Variants in PALM2AKAP2 observed in about 807,000 individuals in gnomAD.
PALM2AKAP2 encodes the protein PALM2-AKAP2 fusion protein.
PALM2AKAP2 carries 37 observed loss-of-function variants against 71.5 expected under a neutral mutation model. The observed-to-expected ratio is 0.52, with a 90% CI of 0.40 to 0.68. PALM2AKAP2 has a LOEUF of 0.68. PALM2AKAP2 is among the 30% of genes least tolerant of loss of function. PALM2AKAP2 has a pLI of 0.00. For synonymous variants in PALM2AKAP2, 468 were observed against 478.8 expected (o/e 0.98, Z 0.29); for missense variants, 1,224 against 1,191.8 (o/e 1.03, Z -0.40).
At chr9:109,786,926 T>A (rs1826985932) in intron 1 of PALM2AKAP2, among the ~76,000 whole-genome samples, 1 of 152,228 alleles carries the variant, frequency 6.6e-6, no homozygotes, top group Non-Finnish European at 1.5e-5. Context: ...CTCAATGCTT[T>A]GGGGTCACTG....
exon 2 of PALM2AKAP2, chr9:110,136,277 C>G (rs1484854868): frequency 3.7e-6 from 6 of 1,613,990 alleles, no homozygotes; most frequent in Non-Finnish European, 5.1e-6. Flanking sequence ...TAAAAGTGTT[C>G]CTGGAATCAC....
Position 110,011,012 on chromosome 9 carries a change from A to ATATATAT in PALM2AKAP2, c.497-4942_497-4941insTATATAT, listed in dbSNP as rs59242587. Among the ~76,000 whole-genome samples, 291 of 90,260 alleles carry ATATATAT rather than the reference A, an allele frequency of 3.2e-3. 1 individual carries two copies. Among genetic ancestry groups the ATATATAT allele is most frequent in the African/African-American group, 0.012 (193 of 16,054 alleles). The allele number at this position is 90,260 out of a possible 152,430, so 59.2% of individuals were successfully genotyped here. On this transcript the variant is annotated intron_variant, in intron 6 of 9. Transcript: ENST00000302798. ...ACTCTGTCTCAAAAAAAAAAAAAAA[A>ATATATAT]AAATATATATATATATATATATATA...
chr9:109,867,601 A>C (rs1159391762), intron 2 of PALM2AKAP2, 30 bp downstream of exon 2: 7 of 1,602,708 alleles, frequency 4.4e-6, no homozygotes, highest in Non-Finnish European at 5.9e-6. Context: ...AACCTATTCC[A>C]TTATTAGACA....
intron 3 of PALM2AKAP2, among the ~76,000 whole-genome samples, chr9:109,918,168 C>T (rs1454806352): frequency 2.0e-5 from 3 of 152,200 alleles, no homozygotes; most frequent in African/African-American, 7.2e-5. Flanking sequence ...TGATTTATTT[C>T]TCCATCCCCA....
At chr9:110,096,372 T>C (rs979402448) in intron 1 of PALM2AKAP2, among the ~76,000 whole-genome samples, 1 of 151,750 alleles carries the variant, frequency 6.6e-6, no homozygotes, top group Non-Finnish European at 1.5e-5. Context: ...CAAGCGATCC[T>C]TCCATCTCAG....
chr9:110,017,279 A>G lies in PALM2AKAP2; in HGVS notation c.582+1240A>G, dbSNP rs147818276. Among the ~76,000 whole-genome samples, 22 of 152,374 alleles carry G rather than the reference A, an allele frequency of 1.4e-4. No individual in the cohort carries two copies. In the East Asian group the frequency reaches 3.7e-3, roughly 25 times the overall value. ...TGTGAAGGCTAAACTTGTGTTGTCT[A>G]TGTTACAAATGGTAGAGAAAGCAAG... On this transcript the variant is annotated intron_variant, in intron 7 of 9. Transcript: ENST00000302798.
At chr9:109,748,290 G>A (rs549167107) in intron 1 of PALM2AKAP2, among the ~76,000 whole-genome samples, 1 of 152,208 alleles carries the variant, frequency 6.6e-6, no homozygotes, top group South Asian at 2.1e-4. Flanking sequence ...GGTGAATTGG[G>A]CTGCCCTTCT....
At chr9:110,099,502 A>T (rs1834940363) in intron 1 of PALM2AKAP2, among the ~76,000 whole-genome samples, 1 of 152,194 alleles carries the variant, frequency 6.6e-6, no homozygotes, top group Non-Finnish European at 1.5e-5. Context: ...AGAAGGTACA[A>T]GCTGCCAGCC....
chr9:109,646,211 G>T (rs569968070), intron 1 of PALM2AKAP2, among the ~76,000 whole-genome samples: 1 of 152,156 alleles, frequency 6.6e-6, no homozygotes, highest in Non-Finnish European at 1.5e-5. Flanking sequence ...TCAGGCAATG[G>T]CAGGTACTTG....
intron 1 of PALM2AKAP2, among the ~76,000 whole-genome samples, chr9:109,785,940 T>A (rs1363093771): frequency 6.6e-6 from 1 of 152,206 alleles, no homozygotes; most frequent in Non-Finnish European, 1.5e-5. Context: ...GAATATGCCC[T>A]TGTTAGGATT....
At chr9:109,662,151 C>T (rs532255682) in intron 1 of PALM2AKAP2, among the ~76,000 whole-genome samples, 1 of 151,154 alleles carries the variant, frequency 6.6e-6, no homozygotes, top group African/African-American at 2.4e-5. Flanking sequence ...AATTGAATAC[C>T]CTTTATTTCT....
chr9:110,040,499 A>G (rs993469228), intron 7 of PALM2AKAP2, among the ~76,000 whole-genome samples: 2 of 152,208 alleles, frequency 1.3e-5, no homozygotes, highest in East Asian at 1.9e-4. Flanking sequence ...CGCAAAGACT[A>G]TCTCTGAGAG....
At chr9:110,010,476 A>G (rs1268788015) in intron 6 of PALM2AKAP2, among the ~76,000 whole-genome samples, 1 of 148,188 alleles carries the variant, frequency 6.7e-6, no homozygotes, top group Non-Finnish European at 1.5e-5. Context: ...TATTATACAT[A>G]CTATATATGT....
chr9:110,091,106 A>T (rs1010190816), intron 1 of PALM2AKAP2, among the ~76,000 whole-genome samples: 2 of 152,034 alleles, frequency 1.3e-5, no homozygotes, highest in African/African-American at 2.4e-5. Context: ...CTTTGCAGGG[A>T]TTTGGGGCAG....
chr9:109,906,456 C>T (rs566397157), intron 3 of PALM2AKAP2, among the ~76,000 whole-genome samples: 2 of 152,328 alleles, frequency 1.3e-5, no homozygotes, highest in South Asian at 4.1e-4. Flanking sequence ...GCCTCAGCCT[C>T]CCAAAGTGCT....
intron 1 of PALM2AKAP2, among the ~76,000 whole-genome samples, chr9:109,643,477 A>G (rs1827103246): frequency 6.6e-6 from 1 of 152,268 alleles, no homozygotes; most frequent in South Asian, 2.1e-4. Flanking sequence ...AACAGCACAC[A>G]GGATTGGTAA....
intron 1 of PALM2AKAP2, among the ~76,000 whole-genome samples, chr9:110,060,890 C>G (rs1052359275): frequency 6.6e-6 from 1 of 152,114 alleles, no homozygotes; most frequent in Non-Finnish European, 1.5e-5. Context: ...GGAGTTTTTA[C>G]TCTAAATATT....
At chr9:109,841,889 G>A (rs1432808177) in intron 1 of PALM2AKAP2, among the ~76,000 whole-genome samples, 5 of 113,694 alleles carry the variant, frequency 4.4e-5, no homozygotes, top group Non-Finnish European at 9.2e-5. Context: ...TAGAGAGATA[G>A]AGGAGAAGTT....
chr9:109,994,239 A>T (rs540076956), intron 6 of PALM2AKAP2, among the ~76,000 whole-genome samples: 3 of 152,328 alleles, frequency 2.0e-5, no homozygotes, highest in African/African-American at 7.2e-5. Flanking sequence ...TCCAGGACAG[A>T]GATAGATGAA....
Sources: allele counts gnomAD v4.1 joint callset (sites outside exome capture counted in the v4.1 genomes callset), GRCh38; gene constraint gnomAD v4.1.1; transcripts MANE v1.5; gene names NCBI Gene and HGNC (gene_info 2026-07-23, HGNC 2026-07-21).